BANK1: variants seen among roughly 807,000 people sequenced by gnomAD.
BANK1 encodes the protein B-cell scaffold protein with ankyrin repeats.
BANK1 carries 95 observed loss-of-function variants against 94.5 expected under a neutral mutation model. The ratio of observed to expected loss-of-function variants is 1.00; its 90% confidence interval spans 0.85 to 1.19. BANK1 has a LOEUF of 1.19. BANK1 is among the 50% of genes most tolerant of loss of function. BANK1 has a pLI of 0.00. For synonymous variants in BANK1, 334 were observed against 308.4 expected (o/e 1.08, Z -0.87); for missense variants, 987 against 932.2 (o/e 1.06, Z -0.77).
chr4:102,012,639 A>T (rs1192869065), intron 7 of BANK1, among the ~76,000 whole-genome samples: 1 of 152,128 alleles, frequency 6.6e-6, no homozygotes, highest in East Asian at 1.9e-4. Flanking sequence ...TTCAAGTAGT[A>T]TTATATGTTT....
intron 1 of BANK1, among the ~76,000 whole-genome samples, chr4:101,800,327 A>T (rs1478876260): frequency 6.7e-6 from 1 of 149,846 alleles, no homozygotes; most frequent in African/African-American, 2.4e-5. Context: ...CGTATTTTTC[A>T]TTCCTTCTTC....
intron 7 of BANK1, among the ~76,000 whole-genome samples, chr4:101,986,893 G>GTATATA (rs1262079308): frequency 1.4e-4 from 13 of 90,820 alleles, no homozygotes; most frequent in African/African-American, 4.7e-4. Flanking sequence ...GTGTGTGTGT[G>GTATATA]TGTGTGTATA....
Position 102,025,161 on chromosome 4 carries a change from G to A in BANK1, c.1286-40G>A, listed in dbSNP as rs568774083. On this transcript the variant is annotated intron_variant, in intron 8 of 16. Coordinates refer to ENST00000322953, the MANE Select transcript of BANK1 (RefSeq NM_017935.5). The stretch of plus-strand genomic sequence containing the variant: ...ATAAAATATGAAATGCCTTCAGATG[G>A]TGTGTTTAAATGAAATCATGCAATC... The A allele has an allele frequency of 1.4e-4, 217 of 1,588,720 alleles. 1 individual carries two copies. In the South Asian group the frequency reaches 1.7e-3, roughly 12 times the overall value.
rs747346985 is a variant in BANK1, at chr4:101,855,178, AT to A, written c.615del (p.Pro206HisfsTer10). ...IPLAVVLPTE[I>X]PCENPGEIFI... ...ACTAGCAGTGGTGCTTCCCACTGAA[AT>A]TCCATGTGAGGTCAGTAAAGATACC... On this transcript the variant is annotated frameshift_variant, in exon 3 of 17. Coordinates refer to ENST00000322953, the MANE Select transcript of BANK1 (RefSeq NM_017935.5). LOFTEE classifies it high-confidence loss of function. 23 of 1,612,956 alleles carry A rather than the reference AT, an allele frequency of 1.4e-5. No homozygotes were observed. The highest frequency in any genetic ancestry group is 1.9e-5 in the Non-Finnish European group (22 of 1,179,374).
intron 5 of BANK1, among the ~76,000 whole-genome samples, chr4:101,875,862 C>T (rs1200265057): frequency 6.6e-6 from 1 of 152,176 alleles, no homozygotes; most frequent in Non-Finnish European, 1.5e-5. Context: ...ACTCCTAGTG[C>T]TCAACTGTGC....
chr4:101,836,911 G>A (rs1726851379), intron 2 of BANK1, among the ~76,000 whole-genome samples: 1 of 152,088 alleles, frequency 6.6e-6, no homozygotes, highest in South Asian at 2.1e-4. Flanking sequence ...TAATTTCTGT[G>A]GCTTAGAACT....
intron 7 of BANK1, among the ~76,000 whole-genome samples, chr4:101,974,181 T>C (rs1313139993): frequency 6.6e-6 from 1 of 152,142 alleles, no homozygotes; most frequent in Non-Finnish European, 1.5e-5. Flanking sequence ...AATAATCTTG[T>C]TTTATGTCAA....
At chr4:101,948,922 A>G (rs1488661302) in intron 7 of BANK1, among the ~76,000 whole-genome samples, 1 of 152,080 alleles carries the variant, frequency 6.6e-6, no homozygotes, top group East Asian at 1.9e-4. Flanking sequence ...TTAATCATGG[A>G]TGACTTGTTG....
At chr4:101,867,807 C>G (rs1322804241) in intron 4 of BANK1, among the ~76,000 whole-genome samples, 2 of 149,646 alleles carry the variant, frequency 1.3e-5, no homozygotes, top group African/African-American at 2.5e-5. Context: ...AAATGGTAGG[C>G]TAAGAAGAGA....
chr4:101,912,702 G>A (rs1284728492), intron 6 of BANK1, among the ~76,000 whole-genome samples: 2 of 150,314 alleles, frequency 1.3e-5, no homozygotes, highest in African/African-American at 2.4e-5. Context: ...GGCACTTAGG[G>A]GTTTCCCTAA....
chr4:102,034,655 C>T (rs1464833291), intron 10 of BANK1, among the ~76,000 whole-genome samples: 2 of 152,164 alleles, frequency 1.3e-5, no homozygotes, highest in African/African-American at 2.4e-5. Context: ...GCTTAGTCAT[C>T]TTCTTATAAT....
At chr4:101,871,845 G>A (rs1358200644) in intron 5 of BANK1, among the ~76,000 whole-genome samples, 1 of 151,988 alleles carries the variant, frequency 6.6e-6, no homozygotes, top group Non-Finnish European at 1.5e-5. Flanking sequence ...ATTTTCTGTT[G>A]GTCTTTCTGT....
In BANK1 at chr4:101,862,560, A is replaced by C. The variant is rs1727918056; in HGVS notation, c.659A>C (p.Glu220Ala). 6.2e-7 allele frequency: 1 copy of C among 1,608,652 alleles called. No homozygotes were observed. The highest frequency in any genetic ancestry group is 1.1e-5 in the South Asian group (1 of 89,924). ...PGEIFIILRD[E>A]VIGDTVEVEF... ...GAAATATTCATAATTTTGAGAGATGAAGTAATTGGTGATACTGTAGAGGTT... is the reference window on the plus strand; with the variant it reads ...GAAATATTCATAATTTTGAGAGATGCAGTAATTGGTGATACTGTAGAGGTT... Residue 220 changes from glutamate to alanine, a missense_variant, in exon 4 of 17, where the codon GAA becomes GCA. Physicochemically the swap from Glu to Ala is moderately radical, Grantham distance 107. Coordinates refer to ENST00000322953, the MANE Select transcript of BANK1 (RefSeq NM_017935.5).
intron 3 of BANK1, among the ~76,000 whole-genome samples, chr4:101,857,896 C>G (rs1727735342): frequency 6.6e-6 from 1 of 151,994 alleles, no homozygotes. Flanking sequence ...TTGGACTTTT[C>G]TTTGTTTATG....
At chr4:101,836,327 A>G (rs1726825738) in intron 2 of BANK1, among the ~76,000 whole-genome samples, 1 of 152,060 alleles carries the variant, frequency 6.6e-6, no homozygotes, top group Non-Finnish European at 1.5e-5. Flanking sequence ...TGAAAATACA[A>G]AAATTAGCTG....
At chr4:101,941,854 T>C (rs1487332966) in intron 7 of BANK1, among the ~76,000 whole-genome samples, 3 of 151,840 alleles carry the variant, frequency 2.0e-5, no homozygotes, top group Non-Finnish European at 4.4e-5. Context: ...CAGGGTTTCT[T>C]CACCATTGAC....
chr4:102,070,029 C>T (rs1051972054), intron 13 of BANK1, among the ~76,000 whole-genome samples: 25 of 152,214 alleles, frequency 1.6e-4, no homozygotes, highest in African/African-American at 5.1e-4. Flanking sequence ...TCCATACAGG[C>T]CTGCAGCAAC....
chr4:101,819,091 C>T (rs1018373943), intron 1 of BANK1, among the ~76,000 whole-genome samples: 1 of 152,092 alleles, frequency 6.6e-6, no homozygotes, highest in African/African-American at 2.4e-5. Flanking sequence ...CATATATATA[C>T]TCAAGGCAAG....
chr4:101,926,938 A>G (rs191335035), intron 7 of BANK1, among the ~76,000 whole-genome samples: 428 of 151,920 alleles, frequency 2.8e-3, no homozygotes, highest in Admixed American at 5.3e-3. Context: ...TAAAAGAAAC[A>G]GTAATTAGAT....
Sources: allele counts gnomAD v4.1 joint callset (sites outside exome capture counted in the v4.1 genomes callset), GRCh38; gene constraint gnomAD v4.1.1; transcripts MANE v1.5; gene names NCBI Gene and HGNC (gene_info 2026-07-23, HGNC 2026-07-21).